TJP1: variants seen among roughly 807,000 people sequenced by gnomAD.
TJP1 encodes tight junction protein 1.
A neutral mutation model predicts 194.2 loss-of-function variants in TJP1; 43 were observed. That is an observed-to-expected ratio of 0.22 (90% confidence interval 0.17 to 0.29). The LOEUF (loss-of-function observed/expected upper bound fraction) is 0.29, where lower values mean the gene tolerates loss of function less well. Ranked by LOEUF, TJP1 falls within the 10% of genes least tolerant of loss-of-function variation. The pLI, the probability that TJP1 is intolerant of heterozygous loss-of-function variation, is 1.00. For synonymous variants in TJP1, 801 were observed against 779.0 expected (o/e 1.03, Z -0.47); for missense variants, 1,971 against 2,185.7 (o/e 0.90, Z 1.96).
Position 29,869,516 on chromosome 15 carries a change from T to G in TJP1, c.307-68814A>C, listed in dbSNP as rs544063907. Among the ~76,000 whole-genome samples the G allele has an allele frequency of 2.0e-5, 3 of 152,178 alleles. No individual in the cohort carries two copies. In the East Asian group the frequency reaches 5.8e-4, roughly 29 times the overall value. On this transcript the variant is annotated intron_variant, in intron 2 of 28. Transcript: ENST00000356107. Reference sequence around the variant, plus strand: ...GAGCCACAAATAATTTATCCTAAACTCCCACTACCCAAGGTTCTGCACTAA... The same window carrying G: ...GAGCCACAAATAATTTATCCTAAACGCCCACTACCCAAGGTTCTGCACTAA...
At chr15:29,762,097 A>G (rs2046043657) in intron 6 of TJP1, among the ~76,000 whole-genome samples, 1 of 152,196 alleles carries the variant, frequency 6.6e-6, no homozygotes, top group Non-Finnish European at 1.5e-5. Context: ...AAGAACAGAC[A>G]TATCTATCTA....
intron 2 of TJP1, among the ~76,000 whole-genome samples, chr15:29,934,750 C>A (rs2152275002): frequency 6.6e-6 from 1 of 152,324 alleles, no homozygotes. Context: ...ATATTTGGAA[C>A]TTCTAAAGTA....
At chr15:29,809,835 G>GA (rs1251173883) in intron 1 of TJP1, among the ~76,000 whole-genome samples, 1 of 148,112 alleles carries the variant, frequency 6.8e-6, no homozygotes, top group African/African-American at 2.4e-5. Flanking sequence ...AACCAGGAGC[G>GA]AAACTCCGTC....
chr15:29,801,114 A>G (rs2048753619), intron 1 of TJP1, among the ~76,000 whole-genome samples: 1 of 152,250 alleles, frequency 6.6e-6, no homozygotes, highest in Non-Finnish European at 1.5e-5. Flanking sequence ...CACAGTAATT[A>G]TAAATATACA....
rs2151112708 is a variant in TJP1 at position 29,718,469 on chromosome 15, G to A, written c.3673C>T (p.Pro1225Ser). 2.5e-6 allele frequency: 4 copies of A among 1,614,178 alleles called. No individual in the cohort carries two copies. Among genetic ancestry groups the A allele is most frequent in the South Asian group, 2.2e-5 (2 of 91,076 alleles). The change falls in exon 21 of 28, where the codon CCG (proline) becomes TCG (serine). Residue 1225 changes from proline (P) to serine (S), a missense_variant. Physicochemically the swap from Pro to Ser is moderately conservative, Grantham distance 74. This residue lies in a region of TJP1 where 1,108 missense variants were observed against 1,128.5 expected (regional missense o/e 0.98). Coordinates refer to ENST00000614355, the MANE Select transcript of TJP1 (RefSeq NM_001330239.4). ...EPLHGAAAVP[P>S]LIPSSQHKPE... is the part of the protein sequence containing the mutation. ...TTATGCTGAGATGAAGGTATCAGCG[G>A]AGGGACAGCTGCAGCACCATGGAGA...
At position 29,795,440 on chromosome 15, in the gene TJP1, A is replaced by AAAAAC. The variant is rs766395225; in HGVS notation, c.84+5201_84+5205dup. Reference sequence around the variant, plus strand: ...TCAAAAAAAAAAAAAAAGACTACCAAAAAACAAAACAAAACAAAACAAACT... The same window carrying AAAAAC: ...TCAAAAAAAAAAAAAAAGACTACCAAAAAACAAAACAAAACAAAACAAAACAAACT... On this transcript the variant is annotated intron_variant, in intron 2 of 27. Transcript: ENST00000614355. 2.6e-4 allele frequency among the ~76,000 whole-genome samples: 39 copies of AAAAAC among 151,896 alleles called. No homozygotes were observed. The East Asian group carries it at 3.7e-3, about 14-fold the overall frequency.
chr15:29,770,236 C>A (rs1280786725), intron 4 of TJP1, among the ~76,000 whole-genome samples: 1 of 152,014 alleles, frequency 6.6e-6, no homozygotes, highest in East Asian at 1.9e-4. Context: ...CACTTGAGGC[C>A]CGGAGTTCAA....
intron 2 of TJP1, among the ~76,000 whole-genome samples, chr15:29,834,420 A>G (rs2050957458): frequency 6.6e-6 from 1 of 151,794 alleles, no homozygotes; most frequent in African/African-American, 2.4e-5. Flanking sequence ...GAGTTTCACC[A>G]TCGTGGCCAG....
intron 2 of TJP1, among the ~76,000 whole-genome samples, chr15:29,870,026 C>T (rs560062995): frequency 1.3e-5 from 2 of 151,718 alleles, no homozygotes; most frequent in Non-Finnish European, 2.9e-5. Context: ...CCAGACTCAC[C>T]ATGTTGGCCA....
chr15:29,768,686 T>C (rs1256199341), intron 4 of TJP1, among the ~76,000 whole-genome samples: 1 of 152,192 alleles, frequency 6.6e-6, no homozygotes, highest in African/African-American at 2.4e-5. Flanking sequence ...AATGCTTGCA[T>C]CTAGTAGGTG....
chr15:29,871,107 T>A (rs2052502451), intron 2 of TJP1, among the ~76,000 whole-genome samples: 1 of 152,018 alleles, frequency 6.6e-6, no homozygotes, highest in Non-Finnish European at 1.5e-5. Context: ...AAAGGAAAGA[T>A]ACTCCTCTAA....
intron 8 of TJP1, among the ~76,000 whole-genome samples, chr15:29,746,154 G>A (rs1008854473): frequency 4.6e-5 from 7 of 152,238 alleles, no homozygotes; most frequent in Non-Finnish European, 7.4e-5. Flanking sequence ...TGAGGCGGGC[G>A]GATCACAAGG....
rs141393693 is a variant in TJP1 at position 29,709,025 on chromosome 15, A to G, written c.4384T>C (p.Ser1462Pro). 4 of 1,608,918 alleles carry G rather than the reference A, an allele frequency of 2.5e-6. No homozygotes were observed. Among genetic ancestry groups the G allele is most frequent in the Non-Finnish European group, 3.4e-6 (4 of 1,177,458 alleles). Residue 1462 changes from serine to proline, a missense_variant, in exon 25 of 28, where the codon TCA (serine) becomes CCA (proline). By Grantham distance (74) the Ser-to-Pro change is moderately conservative. This residue lies in a region of TJP1 where 1,108 missense variants were observed against 1,128.5 expected (regional missense o/e 0.98). Transcript: ENST00000614355. ...ACTAAGGAATTCTGAAAATCCAATG[A>G]CACTGAATTACCTGAAAAACAAACG... ...KGAHGEGNSVSLDFQNSLVSK... is the reference protein window; with the variant it reads ...KGAHGEGNSVPLDFQNSLVSK...
At position 29,766,334 on chromosome 15, in the gene TJP1, C is replaced by G; in HGVS notation, c.521G>C (p.Arg174Pro). ...ERSLSPRSDR[R>P]SVASSQPAKP... ...AGCAGGCTGGCTGGAAGCCACTGAC[C>G]GCCTGTCTGACCGCGGGGACAAGCT... The change falls in exon 5 of 28, where the codon CGG becomes CCG. Residue 174 changes from arginine (R) to proline (P), a missense_variant. Arg to Pro is a moderately radical substitution (Grantham distance 103). This residue lies in a region of TJP1 where 245 missense variants were observed against 336.6 expected (regional missense o/e 0.73). Coordinates refer to ENST00000614355, the MANE Select transcript of TJP1 (RefSeq NM_001330239.4). 6.2e-7 allele frequency: 1 copy of G among 1,614,200 alleles called. No homozygotes were observed. The highest frequency in any genetic ancestry group is 1.1e-5 in the South Asian group (1 of 91,086).
At chr15:29,904,311 T>A (rs899726298) in intron 2 of TJP1, among the ~76,000 whole-genome samples, 1 of 152,062 alleles carries the variant, frequency 6.6e-6, no homozygotes, top group Non-Finnish European at 1.5e-5. Flanking sequence ...TACTGCATAA[T>A]CCTTGTGAGA....
intron 2 of TJP1, among the ~76,000 whole-genome samples, chr15:29,842,949 C>T (rs1480698614): frequency 6.6e-6 from 1 of 152,166 alleles, no homozygotes; most frequent in Non-Finnish European, 1.5e-5. Context: ...ATGCCTATTT[C>T]TGTGTCCTTA....
upstream of TJP1, chr15:29,822,785 C>G (rs1163235464): frequency 6.6e-6 from 1 of 152,322 alleles, no homozygotes; most frequent in Non-Finnish European, 1.5e-5. Flanking sequence ...ACAAGCCACG[C>G]ACATCATGGG....
intron 2 of TJP1, among the ~76,000 whole-genome samples, chr15:29,888,000 A>T (rs2053176975): frequency 6.6e-6 from 1 of 152,182 alleles, no homozygotes; most frequent in Non-Finnish European, 1.5e-5. Flanking sequence ...TTCTCTGTGT[A>T]CAAAGATGCT....
chr15:29,941,698 A>T (rs2055084628), intron 2 of TJP1, among the ~76,000 whole-genome samples: 1 of 152,124 alleles, frequency 6.6e-6, no homozygotes, highest in Non-Finnish European at 1.5e-5. Context: ...GCACTTCGTT[A>T]TCCCCCAAGG....
Sources: gnomAD v4.1 joint callset for allele counts (sites outside exome capture counted in the v4.1 genomes callset) on GRCh38, gnomAD v4.1.1 for gene constraint, gnomAD v4.1.1 regional missense constraint, MANE v1.5 for transcripts, NCBI Gene and HGNC (gene_info 2026-07-23, HGNC 2026-07-21) for gene names.